The following PRELID2 variants were observed in gnomAD, a reference collection of about 807,000 sequenced individuals.
PRELID2 encodes the protein PRELI domain containing 2.
A neutral mutation model predicts 28.4 loss-of-function variants in PRELID2; 25 were observed. The observed-to-expected ratio is 0.88, with a 90% CI of 0.64 to 1.23. The LOEUF (loss-of-function observed/expected upper bound fraction) is 1.23, where lower values mean the gene tolerates loss of function less well. Among genes scored for constraint, PRELID2 ranks in the 50% most tolerant of loss-of-function variants. The pLI, the probability that PRELID2 is intolerant of heterozygous loss-of-function variation, is 0.00. For synonymous variants in PRELID2, 76 were observed against 71.6 expected (o/e 1.06, Z -0.31); for missense variants, 201 against 214.4 (o/e 0.94, Z 0.39).
At chr5:145,379,301 G>A in the PRELID2 span, among the ~76,000 whole-genome samples, 1 of 152,194 alleles carries the variant, frequency 6.6e-6, no homozygotes, top group Non-Finnish European at 1.5e-5. Flanking sequence ...TAGTCTCATA[G>A]TAGCAGCTGT....
chr5:145,594,573 T>C (rs904194522), intron 1 of PRELID2, among the ~76,000 whole-genome samples: 3 of 152,160 alleles, frequency 2.0e-5, no homozygotes, highest in African/African-American at 7.2e-5. Context: ...CACAGTATTA[T>C]ACATAAAACC....
intron 1 of PRELID2, among the ~76,000 whole-genome samples, chr5:145,575,873 C>T (rs1217822176): frequency 1.3e-5 from 2 of 152,092 alleles, no homozygotes; most frequent in African/African-American, 4.8e-5. Flanking sequence ...TTTTCTTGCT[C>T]TCAAAGCTCC....
intron 1 of PRELID2, among the ~76,000 whole-genome samples, chr5:145,657,205 A>G (rs529265887): frequency 6.6e-6 from 1 of 152,360 alleles, no homozygotes; most frequent in East Asian, 1.9e-4. Flanking sequence ...GCAAGGATTT[A>G]GTGTTAGTTT....
chr5:145,357,303 T>C, the PRELID2 span, among the ~76,000 whole-genome samples: 1 of 152,196 alleles, frequency 6.6e-6, no homozygotes, highest in African/African-American at 2.4e-5. Context: ...GTTAAAGAAA[T>C]CTTTGTGGAG....
At chr5:145,817,203 ATAAATAAATAAAAAAAAATAT>A (rs1754387828) in intron 4 of PRELID2, among the ~76,000 whole-genome samples, 3 of 80,012 alleles carry the variant, frequency 3.7e-5, no homozygotes, top group African/African-American at 8.0e-5. Context: ...AAAAAAATAA[ATAAATAAATAAAAAAAAATAT>A]ATATATATAT....
intron 1 of PRELID2, among the ~76,000 whole-genome samples, chr5:145,519,211 C>T (rs767747099): frequency 2.6e-5 from 4 of 152,090 alleles, no homozygotes; most frequent in Admixed American, 6.5e-5. Context: ...TCCCAAACAC[C>T]GAGTTAAAGA....
chr5:145,301,444 C>G, the PRELID2 span, among the ~76,000 whole-genome samples: 5 of 152,118 alleles, frequency 3.3e-5, no homozygotes, highest in Non-Finnish European at 7.4e-5. Flanking sequence ...ATATTTTCTG[C>G]AAGTTTTTGA....
chr5:145,435,099 C>A, the PRELID2 span, among the ~76,000 whole-genome samples: 1 of 152,168 alleles, frequency 6.6e-6, no homozygotes. Context: ...GGGAACACAG[C>A]AGTGGGCAAG....
intron 1 of PRELID2, among the ~76,000 whole-genome samples, chr5:145,639,988 T>C (rs950905245): frequency 6.6e-6 from 1 of 152,158 alleles, no homozygotes; most frequent in Admixed American, 6.5e-5. Context: ...CCACCCTCTA[T>C]TGTCTCTTAG....
chr5:145,286,595 A>AC, the PRELID2 span, among the ~76,000 whole-genome samples: 1 of 151,656 alleles, frequency 6.6e-6, no homozygotes, highest in African/African-American at 2.4e-5. Context: ...CTCAAGAAGC[A>AC]CTCTTTTTCA....
chr5:145,410,883 A>C, the PRELID2 span, among the ~76,000 whole-genome samples: 2 of 152,140 alleles, frequency 1.3e-5, no homozygotes, highest in East Asian at 3.9e-4. Context: ...GCCCAAATCC[A>C]AAGTCTCATC....
chr5:145,286,346 G>A, the PRELID2 span, among the ~76,000 whole-genome samples: 2 of 152,102 alleles, frequency 1.3e-5, no homozygotes, highest in East Asian at 1.9e-4. Context: ...CATGGCAGTC[G>A]CTGTTTTTTC....
At chr5:145,532,147 TA>T (rs1001961418) in intron 1 of PRELID2, among the ~76,000 whole-genome samples, 1 of 152,128 alleles carries the variant, frequency 6.6e-6, no homozygotes, top group South Asian at 2.1e-4. Context: ...ATGCGGTGGT[TA>T]AAAGCATGAG....
At chr5:145,695,976 A>G (rs746481771) in intron 1 of PRELID2, among the ~76,000 whole-genome samples, 1 of 152,022 alleles carries the variant, frequency 6.6e-6, no homozygotes, top group Non-Finnish European at 1.5e-5. Context: ...CTAATTAACT[A>G]TGTTAACATA....
intron 5 of PRELID2, among the ~76,000 whole-genome samples, chr5:145,765,832 T>A (rs1391994253): frequency 6.6e-6 from 1 of 152,086 alleles, no homozygotes. Flanking sequence ...ATAAGTACTA[T>A]CCTTACCCAC....
At chr5:145,336,805 C>T in the PRELID2 span, among the ~76,000 whole-genome samples, 2 of 151,766 alleles carry the variant, frequency 1.3e-5, no homozygotes, top group African/African-American at 4.8e-5. Context: ...AGTTCATGTC[C>T]TTTGTAGGGA....
chr5:145,815,478 G>C (rs941973429), intron 4 of PRELID2, among the ~76,000 whole-genome samples: 1 of 152,002 alleles, frequency 6.6e-6, no homozygotes, highest in Non-Finnish European at 1.5e-5. Context: ...TAGTATATTC[G>C]CAGAGTTCTG....
chr5:145,739,043 G>A (rs904369054), intron 1 of PRELID2, among the ~76,000 whole-genome samples: 17 of 152,196 alleles, frequency 1.1e-4, no homozygotes, highest in African/African-American at 3.9e-4. Flanking sequence ...TGAAAGAAAA[G>A]AATTATCAAC....
At chr5:145,379,524 G>A in the PRELID2 span, among the ~76,000 whole-genome samples, 1 of 152,150 alleles carries the variant, frequency 6.6e-6, no homozygotes, top group African/African-American at 2.4e-5. Context: ...GGTCACTCAG[G>A]GTGAGGTAGG....
Sources: gnomAD v4.1 joint callset for allele counts (sites outside exome capture counted in the v4.1 genomes callset) on GRCh38, gnomAD v4.1.1 for gene constraint, MANE v1.5 for transcripts, NCBI Gene and HGNC (gene_info 2026-07-23, HGNC 2026-07-21) for gene names.